Variants in ART3 observed in about 807,000 individuals in gnomAD.
The protein encoded by ART3 is ADP-ribosyltransferase 3 (inactive), also known as ecto-ADP-ribosyltransferase 3.
Under a neutral mutation model 48.5 loss-of-function variants are expected in ART3, and 49 were observed. The observed-to-expected ratio is 1.01, with a 90% CI of 0.80 to 1.28. The LOEUF (loss-of-function observed/expected upper bound fraction) is 1.28. Among genes scored for constraint, ART3 ranks in the 50% most tolerant of loss-of-function variants. ART3 has a pLI of 0.00. For missense variants in ART3, 438 were observed against 454.3 expected, an observed-to-expected ratio of 0.96 and a Z score of 0.33; for synonymous variants, 145 against 157.2, an observed-to-expected ratio of 0.92 and a Z score of 0.58.
At chr4:76,037,062 C>A in intron 1 of ART3, 1 of 161,612 alleles carries the variant, frequency 6.2e-6, no homozygotes, top group South Asian at 1.7e-4. Context: ...AGTGCAGTGT[C>A]ATGGCTGCTG....
chr4:76,052,262 T>TTATA, intron 1 of ART3, among the ~76,000 whole-genome samples: 3 of 152,160 alleles, frequency 2.0e-5, no homozygotes, highest in African/African-American at 7.2e-5. Flanking sequence ...TCTGCTAATG[T>TTATA]AGTCTGGTAT....
intron 1 of ART3, among the ~76,000 whole-genome samples, chr4:76,015,939 G>A (rs1161357368): frequency 6.6e-6 from 1 of 152,136 alleles, no homozygotes; most frequent in African/African-American, 2.4e-5. Flanking sequence ...TAGGCACAAT[G>A]CCTGGCCTAG....
chr4:76,016,591 G>A (rs961948286), intron 1 of ART3, among the ~76,000 whole-genome samples: 4 of 152,124 alleles, frequency 2.6e-5, no homozygotes, highest in Admixed American at 1.3e-4. Flanking sequence ...ATCTGTGTTT[G>A]CTCAAGGCCC....
intron 1 of ART3, among the ~76,000 whole-genome samples, chr4:76,048,128 C>A (rs1735688965): frequency 6.6e-6 from 1 of 151,854 alleles, no homozygotes; most frequent in Non-Finnish European, 1.5e-5. Flanking sequence ...GGAAGGGGAG[C>A]TATAGGGAGG....
intron 1 of ART3, chr4:76,041,489 CT>C (rs1353667504): frequency 5.9e-5 from 9 of 152,138 alleles, no homozygotes; most frequent in African/African-American, 2.2e-4. Flanking sequence ...TCTTTTCTAA[CT>C]TTATCCAGTA....
intron 1 of ART3, among the ~76,000 whole-genome samples, chr4:76,053,633 G>A (rs998768044): frequency 4.6e-5 from 7 of 152,102 alleles, no homozygotes; most frequent in East Asian, 1.9e-4. Flanking sequence ...AAAGAATATG[G>A]GTTTAAAACC....
chr4:76,031,874 A>C (rs1289201329), intron 1 of ART3, among the ~76,000 whole-genome samples: 1 of 152,184 alleles, frequency 6.6e-6, no homozygotes, highest in African/African-American at 2.4e-5. Flanking sequence ...AGTATGATGG[A>C]AAAATAGAGA....
At chr4:76,110,973 C>G (rs974810013) in intron 11 of ART3, among the ~76,000 whole-genome samples, 1 of 152,126 alleles carries the variant, frequency 6.6e-6, no homozygotes, top group African/African-American at 2.4e-5. Context: ...TTTGTGCACA[C>G]AGACCATATG....
At chr4:76,012,639 T>A (rs1449648055) in intron 1 of ART3, among the ~76,000 whole-genome samples, 1 of 152,138 alleles carries the variant, frequency 6.6e-6, no homozygotes, top group African/African-American at 2.4e-5. Context: ...AAGGACTGGG[T>A]TAGGTTTGTG....
chr4:76,089,750 A>G (rs1724427339), intron 3 of ART3, among the ~76,000 whole-genome samples: 1 of 152,200 alleles, frequency 6.6e-6, no homozygotes, highest in African/African-American at 2.4e-5. Flanking sequence ...GGTGTCTGAC[A>G]GATATCAAGC....
intron 2 of ART3, among the ~76,000 whole-genome samples, chr4:76,078,986 C>T (rs1218273846): frequency 5.9e-5 from 9 of 151,972 alleles, no homozygotes; most frequent in Non-Finnish European, 7.4e-5. Flanking sequence ...GAGGCTGAAG[C>T]GGGAGAATGG....
At chr4:76,105,929 C>T in intron 10 of ART3, 1 of 985,310 alleles carries the variant, frequency 1.0e-6, no homozygotes, top group Non-Finnish European at 1.2e-6. Flanking sequence ...TGGGACCAGC[C>T]ATTCTGTGTG....
At chr4:76,032,213 T>G (rs1733930985) in intron 1 of ART3, among the ~76,000 whole-genome samples, 1 of 127,702 alleles carries the variant, frequency 7.8e-6, no homozygotes, top group South Asian at 2.5e-4. Flanking sequence ...GCCTTAACTC[T>G]GTGAATTTTT....
At chr4:76,059,587 C>G (rs1189771264) in intron 1 of ART3, among the ~76,000 whole-genome samples, 2 of 151,888 alleles carry the variant, frequency 1.3e-5, no homozygotes, top group Non-Finnish European at 2.9e-5. Context: ...TAAATATGTT[C>G]TCAACTAATT....
intron 1 of ART3, chr4:76,023,522 T>C: frequency 8.6e-7 from 1 of 1,161,826 alleles, no homozygotes; most frequent in South Asian, 1.2e-5. Flanking sequence ...TAGTGTGCCA[T>C]ATTTATCTGC....
rs553482871 is a variant in ART3, at chr4:76,024,416, A to T, written c.-10+13096A>T. Among the ~76,000 whole-genome samples, 217 of 152,266 alleles carry T rather than the reference A, an allele frequency of 1.4e-3. 2 individuals are homozygous for T. The highest frequency in any genetic ancestry group is 3.4e-3 in the Middle Eastern group (1 of 294). ...TAAATGCAAAGAAAAAGAAAAAAAA[A>T]GTGTTGGCCATTGAGCTAGTAACAG... is the stretch of plus-strand genomic sequence containing the variant. On this transcript the variant is annotated intron_variant, in intron 1 of 9. Coordinates refer to the ART3 transcript ENST00000341029.
At chr4:76,060,360 T>G (rs965189453) in intron 1 of ART3, among the ~76,000 whole-genome samples, 5 of 152,068 alleles carry the variant, frequency 3.3e-5, no homozygotes, top group African/African-American at 1.2e-4. Context: ...GCTGTGACAA[T>G]CAACTGTTTT....
At chr4:76,031,270 T>C (rs1256291793) in intron 1 of ART3, among the ~76,000 whole-genome samples, 1 of 152,194 alleles carries the variant, frequency 6.6e-6, no homozygotes, top group Admixed American at 6.5e-5. Flanking sequence ...ACATGTACAG[T>C]AGTGAAAGTT....
upstream of ART3, among the ~76,000 whole-genome samples, chr4:76,070,114 C>A (rs1021226930): frequency 1.1e-4 from 17 of 152,122 alleles, no homozygotes; most frequent in African/African-American, 4.1e-4. Context: ...TATGAATCAA[C>A]CTGCTGTGAA....
Sources: gnomAD v4.1 joint callset for allele counts (sites outside exome capture counted in the v4.1 genomes callset) on GRCh38, gnomAD v4.1.1 for gene constraint, MANE v1.5 for transcripts, NCBI Gene and HGNC (gene_info 2026-07-23, HGNC 2026-07-21) for gene names.